Variants in NUDT3 observed in about 807,000 individuals in gnomAD.
The protein encoded by NUDT3 is nudix hydrolase 3.
A neutral mutation model predicts 23.6 loss-of-function variants in NUDT3; 9 were observed. The ratio of observed to expected loss-of-function variants is 0.38; its 90% CI spans 0.23 to 0.66. NUDT3 has a LOEUF of 0.66. NUDT3 is among the 30% of genes least tolerant of loss of function. The pLI is 0.52. For missense variants in NUDT3, 172 were observed against 218.5 expected (o/e 0.79, Z 1.34); for synonymous variants, 86 against 82.6 (o/e 1.04, Z -0.22).
intron 1 of NUDT3, among the ~76,000 whole-genome samples, chr6:34,363,578 A>C (rs1764680943): frequency 6.6e-6 from 1 of 152,122 alleles, no homozygotes; most frequent in South Asian, 2.1e-4. Flanking sequence ...GGCCCAAAAT[A>C]GATGTATTAA....
chr6:34,322,039 C>A (rs1040369603), intron 2 of NUDT3, among the ~76,000 whole-genome samples: 1 of 152,120 alleles, frequency 6.6e-6, no homozygotes, highest in African/African-American at 2.4e-5. Flanking sequence ...CCACGTAAGG[C>A]AGCTAGTGGA....
chr6:34,316,558 A>C lies in NUDT3; in HGVS notation c.211-20873T>G, dbSNP rs117506497. Among the ~76,000 whole-genome samples, 5 of 152,330 alleles carry C rather than the reference A, an allele frequency of 3.3e-5. No homozygotes were observed. In the South Asian group the frequency reaches 8.3e-4, roughly 25 times the overall value. On this transcript the variant is annotated intron_variant, in intron 2 of 4. Transcript: ENST00000607016. ...AAACACATTCTGTTATTTGAAACTTAATTTCCCATCCTCAGTACCATGGCA... is the reference window on the plus strand; with the variant it reads ...AAACACATTCTGTTATTTGAAACTTCATTTCCCATCCTCAGTACCATGGCA...
At chr6:34,356,403 G>T (rs1764562277) in intron 1 of NUDT3, among the ~76,000 whole-genome samples, 1 of 152,010 alleles carries the variant, frequency 6.6e-6, no homozygotes, top group African/African-American at 2.4e-5. Flanking sequence ...TCCTGATACG[G>T]CTGATTCCAT....
intron 2 of NUDT3, among the ~76,000 whole-genome samples, chr6:34,301,202 G>A (rs552307190): frequency 1.4e-4 from 19 of 135,030 alleles, no homozygotes; most frequent in South Asian, 2.4e-4. Flanking sequence ...AGAGTTTCTC[G>A]AAGATTTATA....
intron 1 of NUDT3, among the ~76,000 whole-genome samples, chr6:34,369,451 CTT>C (rs1764793631): frequency 1.3e-5 from 2 of 152,176 alleles, no homozygotes; most frequent in South Asian, 4.1e-4. Context: ...TTGTGTCAGA[CTT>C]TTGTCTAAGC....
intron 1 of NUDT3, among the ~76,000 whole-genome samples, chr6:34,370,544 G>A (rs76605688): frequency 0.013 from 1,975 of 152,302 alleles, 32 homozygotes; most frequent in African/African-American, 0.039. Flanking sequence ...GAGGGTTCAG[G>A]ATGTGGGGTC....
intron 1 of NUDT3, among the ~76,000 whole-genome samples, chr6:34,379,263 A>C (rs1329711015): frequency 6.6e-6 from 1 of 152,198 alleles, no homozygotes; most frequent in Non-Finnish European, 1.5e-5. Context: ...ATGACTTATT[A>C]TAAAAGTAAT....
At chr6:34,299,197 TG>T (rs1425445098) in intron 2 of NUDT3, among the ~76,000 whole-genome samples, 1 of 152,198 alleles carries the variant, frequency 6.6e-6, no homozygotes, top group Non-Finnish European at 1.5e-5. Context: ...CTCACACATT[TG>T]GGGATAAGAT....
chr6:34,290,732 G>C (rs114511882), intron 4 of NUDT3, among the ~76,000 whole-genome samples: 13,388 of 146,170 alleles, frequency 0.092, 1,346 homozygotes, highest in East Asian at 0.43. Flanking sequence ...ATAGTATCTA[G>C]TATGGATGTA....
At chr6:34,324,550 A>C (rs1763994303) in intron 2 of NUDT3, among the ~76,000 whole-genome samples, 1 of 152,200 alleles carries the variant, frequency 6.6e-6, no homozygotes, top group African/African-American at 2.4e-5. Flanking sequence ...GATTACAGGC[A>C]TAAGCCACTG....
chr6:34,289,205 T>C (rs1245120430), intron 4 of NUDT3, among the ~76,000 whole-genome samples: 2 of 152,182 alleles, frequency 1.3e-5, no homozygotes, highest in Non-Finnish European at 2.9e-5. Context: ...CCCTCCTGCG[T>C]CTCTGAGCTT....
chr6:34,332,595 G>A (rs913401211), intron 2 of NUDT3, among the ~76,000 whole-genome samples: 4 of 152,204 alleles, frequency 2.6e-5, no homozygotes, highest in South Asian at 4.1e-4. Flanking sequence ...TATTTACATA[G>A]TGTTTACATT....
intron 1 of NUDT3, among the ~76,000 whole-genome samples, chr6:34,361,957 C>T (rs1359981640): frequency 6.6e-6 from 1 of 152,092 alleles, no homozygotes; most frequent in Non-Finnish European, 1.5e-5. Flanking sequence ...GGAAGTACAC[C>T]AGCAAGAGAG....
intron 2 of NUDT3, among the ~76,000 whole-genome samples, chr6:34,324,300 A>G (rs554423473): frequency 6.6e-6 from 1 of 151,976 alleles, no homozygotes; most frequent in South Asian, 2.1e-4. Context: ...GGTTGCAGTG[A>G]GCTGAGATCA....
At chr6:34,297,760 A>ATT (rs1348385184) in intron 2 of NUDT3, among the ~76,000 whole-genome samples, 4 of 53,626 alleles carry the variant, frequency 7.5e-5, no homozygotes, top group African/African-American at 3.2e-4. Flanking sequence ...TATATATATA[A>ATT]TTTTTTTTTT....
intron 1 of NUDT3, among the ~76,000 whole-genome samples, chr6:34,371,894 T>C (rs1581896316): frequency 6.6e-6 from 1 of 152,156 alleles, no homozygotes; most frequent in East Asian, 1.9e-4. Context: ...ATCCCTCCCC[T>C]AACCCCACAC....
chr6:34,326,700 A>C (rs1764037073), intron 2 of NUDT3, among the ~76,000 whole-genome samples: 1 of 151,794 alleles, frequency 6.6e-6, no homozygotes, highest in Admixed American at 6.6e-5. Context: ...TCCTAGGTTC[A>C]AGCAATTCTC....
intron 1 of NUDT3, among the ~76,000 whole-genome samples, chr6:34,360,614 C>A (rs555364494): frequency 6.6e-6 from 1 of 152,096 alleles, no homozygotes; most frequent in Admixed American, 6.6e-5. Context: ...AACTACTTAA[C>A]TTTTGAAGGA....
rs571729316 is a variant in NUDT3 at position 34,285,585 on chromosome 6, T to C, written c.*3168A>G. On this transcript the variant is annotated 3_prime_UTR_variant, in exon 5 of 5. Coordinates refer to ENST00000607016, the MANE Select transcript of NUDT3 (RefSeq NM_006703.4). ...CAAGCCTGAATGAGGTCAGCTCTGG[T>C]AGAATTAATGACAAATCAATGTCAG... The C allele has an allele frequency of 5.3e-5, 8 of 152,346 alleles. No homozygotes were observed. Among genetic ancestry groups the C allele is most frequent in the Admixed American group, 4.6e-4 (7 of 15,304 alleles). 9.4% of individuals were successfully genotyped at this position (152,346 alleles called of 1,614,324 possible). A position where few individuals can be genotyped will look rare whatever the true frequency, so the allele number is the denominator to read the frequency against.
Sources: allele counts gnomAD v4.1 joint callset (sites outside exome capture counted in the v4.1 genomes callset), GRCh38; gene constraint gnomAD v4.1.1; transcripts MANE v1.5; gene names NCBI Gene and HGNC (gene_info 2026-07-23, HGNC 2026-07-21).